Variants in NFKB1 observed in about 807,000 individuals in gnomAD.
NFKB1 encodes the protein nuclear factor NF-kappa-B p105 subunit.
In NFKB1, 9 loss-of-function variants were observed where a neutral mutation model predicts 105.1. The observed-to-expected ratio is 0.09, with a 90% confidence interval of 0.05 to 0.15. The LOEUF (loss-of-function observed/expected upper bound fraction) is 0.15, where lower values mean the gene tolerates loss of function less well. NFKB1 is among the 10% of genes least tolerant of loss of function. NFKB1 has a pLI of 1.00. For missense variants in NFKB1, 830 were observed against 1,203.7 expected, an observed-to-expected ratio of 0.69 and a Z score of 4.59; for synonymous variants, 440 against 442.2, an observed-to-expected ratio of 1.00 and a Z score of 0.06.
rs200626732 is a variant in NFKB1 at position 102,600,967 on chromosome 4, G to T, written c.1710G>T (p.Leu570Phe). 17 of 1,611,546 alleles carry T rather than the reference G, an allele frequency of 1.1e-5. No individual in the cohort carries two copies. Among genetic ancestry groups the T allele is most frequent in the Non-Finnish European group, 1.7e-6 (2 of 1,177,820 alleles). ...VRDLLEVTSG[L>F]ISDDIINMRN... ...ATCTACTAGAAGTCACATCTGGTTT[G>T]ATTTCTGATGACATTATCAACATGA... Residue 570 changes from leucine to phenylalanine, a missense_variant, in exon 16 of 24, where the codon TTG becomes TTT. Leu to Phe is a conservative substitution (Grantham distance 22, BLOSUM62 0). Coordinates refer to ENST00000226574, the MANE Select transcript of NFKB1 (RefSeq NM_003998.4).
chr4:102,588,737 A>G (rs577186241), intron 11 of NFKB1, among the ~76,000 whole-genome samples: 2 of 152,326 alleles, frequency 1.3e-5, no homozygotes, highest in East Asian at 1.9e-4. Flanking sequence ...ATTATTATAC[A>G]AAGCTATTTT....
At chr4:102,594,331 C>A (rs1219866557) in intron 12 of NFKB1, among the ~76,000 whole-genome samples, 1 of 152,178 alleles carries the variant, frequency 6.6e-6, no homozygotes, top group Non-Finnish European at 1.5e-5. Context: ...GTCCACCTAA[C>A]TTTTCACTTA....
chr4:102,533,948 CA>C, intron 4 of NFKB1, 63 bp downstream of exon 4: 1 of 1,387,670 alleles, frequency 7.2e-7, no homozygotes, highest in South Asian at 1.2e-5. Context: ...AGATCATAAG[CA>C]CTGAAGAATA....
intron 14 of NFKB1, among the ~76,000 whole-genome samples, chr4:102,596,800 A>G (rs1278885764): frequency 2.6e-5 from 4 of 151,978 alleles, no homozygotes; most frequent in African/African-American, 4.8e-5. Context: ...CTGTGAACCA[A>G]TACTTATTAG....
chr4:102,614,712 C>G (rs1052171690), intron 23 of NFKB1, among the ~76,000 whole-genome samples: 4 of 152,044 alleles, frequency 2.6e-5, no homozygotes, highest in Non-Finnish European at 5.9e-5. Context: ...TCATGGTTGA[C>G]GCCTACCTTC....
chr4:102,568,271 G>C (rs951130286), intron 6 of NFKB1, among the ~76,000 whole-genome samples: 14 of 151,392 alleles, frequency 9.2e-5, no homozygotes, highest in Non-Finnish European at 2.1e-4. Flanking sequence ...ACTAAAATCG[G>C]ATTCTTTTGA....
chr4:102,582,706 G>C (rs1043733820), intron 9 of NFKB1, among the ~76,000 whole-genome samples, 160 bp from the exon 10 acceptor site: 2 of 152,132 alleles, frequency 1.3e-5, no homozygotes, highest in Non-Finnish European at 2.9e-5. Context: ...AAAAAAGTCA[G>C]TGATTTGTGA....
At chr4:102,593,905 A>G (rs1421480649) in intron 12 of NFKB1, among the ~76,000 whole-genome samples, 3 of 152,176 alleles carry the variant, frequency 2.0e-5, no homozygotes, top group African/African-American at 7.2e-5. Context: ...ATTGTATATT[A>G]TCATACTACA....
At chr4:102,570,511 C>T (rs1022159757) in intron 6 of NFKB1, among the ~76,000 whole-genome samples, 5 of 151,930 alleles carry the variant, frequency 3.3e-5, no homozygotes, top group Admixed American at 1.3e-4. Flanking sequence ...TGGATACTGC[C>T]GCAGTGAACA....
At position 102,612,520 on chromosome 4, in the gene NFKB1, C is replaced by G. The variant is rs1475718562; in HGVS notation, c.2506C>G (p.Leu836Val). The G allele has an allele frequency of 1.2e-6, 2 of 1,614,042 alleles. No homozygotes were observed. The highest frequency in any genetic ancestry group is 2.2e-5 in the East Asian group (1 of 44,890). The change falls in exon 22 of 24, where the codon CTG becomes GTG. Residue 836 changes from leucine (L) to valine (V), a missense_variant. Physicochemically the swap from Leu to Val is conservative, Grantham distance 32 (BLOSUM62 1). This residue lies in a region of NFKB1 where 418 missense variants were observed against 575.3 expected (regional missense o/e 0.73). Transcript: ENST00000226574. Reference sequence around the variant, plus strand: ...TGATCCAGACAAAAACTGGGCTACTCTGGCGCAGAAATTAGGTCTGGGGAT... The same window carrying G: ...TGATCCAGACAAAAACTGGGCTACTGTGGCGCAGAAATTAGGTCTGGGGAT... ...IPDPDKNWAT[L>V]AQKLGLGILN...
intron 1 of NFKB1, among the ~76,000 whole-genome samples, chr4:102,513,310 T>C (rs940089667): frequency 7.9e-5 from 12 of 152,254 alleles, no homozygotes; most frequent in African/African-American, 2.2e-4. Flanking sequence ...ATCTAACTTA[T>C]TATAATCCTT....
In NFKB1 at chr4:102,501,457, C is replaced by A. The variant is rs1739006874; in HGVS notation, c.-339C>A. On this transcript the variant is annotated 5_prime_UTR_variant, in exon 1 of 24. Transcript: ENST00000226574. ...TCCCCTGCCCTTCCCGTCGGTCGGG[C>A]CGCCAGCCGCCGCAGCCCTCGGCCT... is the stretch of plus-strand genomic sequence containing the variant. The A allele has an allele frequency of 1.3e-5, 2 of 150,396 alleles. No individual in the cohort carries two copies. Among genetic ancestry groups the A allele is most frequent in the African/African-American group, 4.8e-5 (2 of 41,264 alleles). The allele number at this position is 150,396 out of a possible 1,614,324, so 9.3% of individuals were successfully genotyped here.
At chr4:102,604,563 A>G (rs1208859133) in intron 16 of NFKB1, among the ~76,000 whole-genome samples, 13 of 151,880 alleles carry the variant, frequency 8.6e-5, no homozygotes, top group Admixed American at 8.6e-4. Flanking sequence ...ATTGTGCTAC[A>G]TGTTACTGTA....
chr4:102,606,835 G>A (rs944911257), intron 17 of NFKB1, 138 bp downstream of exon 17: 1 of 962,732 alleles, frequency 1.0e-6, no homozygotes. Flanking sequence ...TCTCTTTTGG[G>A]CATTTCTGTT....
chr4:102,598,340 A>T (rs573594763), intron 15 of NFKB1, among the ~76,000 whole-genome samples: 1 of 152,336 alleles, frequency 6.6e-6, no homozygotes, highest in African/African-American at 2.4e-5. Context: ...AAAAGCCTAT[A>T]AAAATAACAA....
At chr4:102,601,354 A>G (rs947615805) in intron 16 of NFKB1, among the ~76,000 whole-genome samples, 2 of 152,220 alleles carry the variant, frequency 1.3e-5, no homozygotes, top group Non-Finnish European at 2.9e-5. Flanking sequence ...AAAAAGTTTG[A>G]AAAGCCAGTA....
intron 11 of NFKB1, among the ~76,000 whole-genome samples, chr4:102,587,052 A>G (rs1434982895): frequency 6.6e-6 from 1 of 152,244 alleles, no homozygotes; most frequent in African/African-American, 2.4e-5. Context: ...TTGTCAGCAC[A>G]ATAACTTTTC....
chr4:102,612,204 A>G (rs765503677), intron 21 of NFKB1, 94 bp downstream of exon 21: 49 of 1,232,888 alleles, frequency 4.0e-5, no homozygotes, highest in Non-Finnish European at 5.6e-5. Context: ...TCTACTGTTA[A>G]AAGTTCTTAT....
At chr4:102,558,254 A>G (rs1011550343) in intron 5 of NFKB1, among the ~76,000 whole-genome samples, 1 of 151,930 alleles carries the variant, frequency 6.6e-6, no homozygotes, top group Non-Finnish European at 1.5e-5. Flanking sequence ...ATGTGTTCTC[A>G]TCATTTAGCT....
Sources: gnomAD v4.1 joint callset for allele counts (sites outside exome capture counted in the v4.1 genomes callset) on GRCh38, gnomAD v4.1.1 for gene constraint, gnomAD v4.1.1 regional missense constraint, MANE v1.5 for transcripts, NCBI Gene and HGNC (gene_info 2026-07-23, HGNC 2026-07-21) for gene names.